Variants in RPS6KA2 observed in about 807,000 individuals in gnomAD.
RPS6KA2 encodes ribosomal protein S6 kinase A2, also known as ribosomal protein S6 kinase alpha-2.
Under a neutral mutation model 91.8 loss-of-function variants are expected in RPS6KA2, and 42 were observed. The ratio of observed to expected loss-of-function variants is 0.46; its 90% CI spans 0.36 to 0.59. RPS6KA2 has a LOEUF of 0.59. RPS6KA2 is among the 20% of genes least tolerant of loss of function. RPS6KA2 has a pLI of 0.00. For synonymous variants in RPS6KA2, 414 were observed against 393.6 expected (o/e 1.05, Z -0.61); for missense variants, 798 against 978.5 (o/e 0.82, Z 2.46).
intron 1 of RPS6KA2, among the ~76,000 whole-genome samples, chr6:166,539,096 T>C (rs895204057): frequency 2.6e-5 from 4 of 152,144 alleles, no homozygotes; most frequent in African/African-American, 9.7e-5. Context: ...ATTTTTGTAT[T>C]TTTAATAGAG....
At chr6:166,517,048 A>C (rs188979455) in intron 3 of RPS6KA2, among the ~76,000 whole-genome samples, 1 of 152,342 alleles carries the variant, frequency 6.6e-6, no homozygotes, top group Non-Finnish European at 1.5e-5. Flanking sequence ...CTGGTGAAAA[A>C]TTAGAGAAAG....
At chr6:166,559,122 G>A (rs1784263685) in intron 1 of RPS6KA2, among the ~76,000 whole-genome samples, 1 of 152,292 alleles carries the variant, frequency 6.6e-6, no homozygotes, top group South Asian at 2.1e-4. Context: ...CTTTGGACCT[G>A]GAATATGACA....
Position 166,448,617 on chromosome 6 carries a change from C to G in RPS6KA2, c.1332+107G>C. The G allele has an allele frequency of 7.2e-7, 1 of 1,382,220 alleles. No individual in the cohort carries two copies. Among genetic ancestry groups the G allele is most frequent in the South Asian group, 1.4e-5 (1 of 72,220 alleles). The allele number at this position is 1,382,220 out of a possible 1,614,324, so 85.6% of individuals were successfully genotyped here. A position where few individuals can be genotyped will look rare whatever the true frequency, so the allele number is the denominator to read the frequency against. On this transcript the variant is annotated intron_variant, in intron 14 of 20. Transcript: ENST00000265678. The surrounding 1 kb of genome is among the most constrained non-coding windows in gnomAD (Gnocchi z 4.7). ...TGTACATGCTCCCACACGCTGCACT[C>G]ACACAGGGCCCTGCTATGCTCCTAT...
intron 2 of RPS6KA2, among the ~76,000 whole-genome samples, chr6:166,746,478 G>A (rs1282954251): frequency 6.6e-6 from 1 of 152,204 alleles, no homozygotes; most frequent in East Asian, 1.9e-4. Flanking sequence ...AGTGCCTGGG[G>A]ATTTCTTCCC....
intron 10 of RPS6KA2, among the ~76,000 whole-genome samples, chr6:166,478,522 C>T (rs2128468631): frequency 6.6e-6 from 1 of 152,276 alleles, no homozygotes; most frequent in East Asian, 1.9e-4. Flanking sequence ...TGCAGGCTTT[C>T]CATTTACCCT....
chr6:166,783,409 GA>G (rs1778824418), intron 2 of RPS6KA2, among the ~76,000 whole-genome samples: 1 of 152,048 alleles, frequency 6.6e-6, no homozygotes, highest in Non-Finnish European at 1.5e-5. Flanking sequence ...ACTCCCACTA[GA>G]ATTCCCAGCC....
intron 3 of RPS6KA2, among the ~76,000 whole-genome samples, chr6:166,528,921 A>G (rs545412930): frequency 1.6e-3 from 243 of 152,364 alleles, no homozygotes; most frequent in African/African-American, 5.4e-3. Flanking sequence ...TCAGGAAACA[A>G]CAGGTGCTGG....
At chr6:166,667,161 G>A (rs1788339649) in intron 2 of RPS6KA2, among the ~76,000 whole-genome samples, 1 of 152,220 alleles carries the variant, frequency 6.6e-6, no homozygotes, top group Non-Finnish European at 1.5e-5. Context: ...GAGTTCTGGA[G>A]AAAGATGGTG....
At chr6:166,679,095 A>G (rs1788704896) in intron 2 of RPS6KA2, among the ~76,000 whole-genome samples, 1 of 152,202 alleles carries the variant, frequency 6.6e-6, no homozygotes, top group Non-Finnish European at 1.5e-5. Context: ...AGTTTGGAGA[A>G]AGAAACTGTG....
chr6:166,772,986 C>A (rs1466884697), intron 2 of RPS6KA2, among the ~76,000 whole-genome samples: 3 of 152,204 alleles, frequency 2.0e-5, no homozygotes, highest in African/African-American at 7.2e-5. Context: ...CTATCCCTCC[C>A]ACCTCCACCC....
At chr6:166,477,419 A>G (rs1335759650) in intron 10 of RPS6KA2, among the ~76,000 whole-genome samples, 1 of 152,216 alleles carries the variant, frequency 6.6e-6, no homozygotes, top group Non-Finnish European at 1.5e-5. Flanking sequence ...TAAACCAAAT[A>G]CTAAAACAAT....
At chr6:166,743,197 A>AC (rs5881715) in intron 2 of RPS6KA2, among the ~76,000 whole-genome samples, 69,959 of 152,048 alleles carry the variant, frequency 0.46, 20,180 homozygotes, top group African/African-American at 0.83. Context: ...GCAAACTGTC[A>AC]CCAAAACACG....
At chr6:166,564,497 C>T (rs909400465) in intron 1 of RPS6KA2, among the ~76,000 whole-genome samples, 6 of 152,182 alleles carry the variant, frequency 3.9e-5, no homozygotes, top group African/African-American at 1.4e-4. Flanking sequence ...CCGCCCCACG[C>T]CTCCCCTTTA....
chr6:166,448,878 G>T lies in RPS6KA2; in HGVS notation c.1207-29C>A. Reference sequence around the variant, plus strand: ...CAGAGGGACCAAGAGAAGAAGAGTTGTCGGAACCCTCACACGAGGGGACGG... The same window carrying T: ...CAGAGGGACCAAGAGAAGAAGAGTTTTCGGAACCCTCACACGAGGGGACGG... On this transcript the variant is annotated intron_variant, in intron 13 of 20. Coordinates refer to ENST00000265678, the MANE Select transcript of RPS6KA2 (RefSeq NM_021135.6). The surrounding 1 kb of genome is among the most constrained non-coding windows in gnomAD (Gnocchi z 4.7). 1 of 1,612,352 alleles carries T rather than the reference G, an allele frequency of 6.2e-7. No individual in the cohort carries two copies. Among genetic ancestry groups the T allele is most frequent in the Non-Finnish European group, 8.5e-7 (1 of 1,178,754 alleles).
At chr6:166,680,705 AG>A (rs1397127422) in intron 2 of RPS6KA2, among the ~76,000 whole-genome samples, 1 of 152,206 alleles carries the variant, frequency 6.6e-6, no homozygotes. Context: ...ACCCACCAGA[AG>A]GAAAAAATTC....
At chr6:166,668,040 T>C (rs1224498991) in intron 2 of RPS6KA2, among the ~76,000 whole-genome samples, 4 of 151,962 alleles carry the variant, frequency 2.6e-5, no homozygotes, top group Non-Finnish European at 1.5e-5. Context: ...CAGAACACAG[T>C]CTCCTGGATT....
intron 3 of RPS6KA2, among the ~76,000 whole-genome samples, chr6:166,513,800 G>A (rs1326830923): frequency 3.3e-5 from 5 of 152,224 alleles, no homozygotes; most frequent in Non-Finnish European, 5.9e-5. Flanking sequence ...CCAGGATAGC[G>A]CAGAACACTT....
Position 166,770,615 on chromosome 6 carries a change from G to A in RPS6KA2, c.123+87585C>T, listed in dbSNP as rs944687406. Among the ~76,000 whole-genome samples the A allele has an allele frequency of 1.3e-5, 2 of 152,278 alleles. No homozygotes were observed. Among genetic ancestry groups the A allele is most frequent in the East Asian group, 1.9e-4 (1 of 5,192 alleles). ...CAAGATGACATCCTCAGTTTAGCAC[G>A]CAAGGCAGCCCCTGCTGTACAAGGA... On this transcript the variant is annotated intron_variant, in intron 2 of 21. Transcript: ENST00000503859. The surrounding 1 kb of genome is among the most constrained non-coding windows in gnomAD (Gnocchi z 5.1).
At chr6:166,532,537 C>T (rs772226240) in intron 2 of RPS6KA2, among the ~76,000 whole-genome samples, 12 of 152,184 alleles carry the variant, frequency 7.9e-5, no homozygotes, top group Non-Finnish European at 1.5e-4. Context: ...GAAGTGATTC[C>T]GGACCCCACT....
Sources: allele counts gnomAD v4.1 joint callset (sites outside exome capture counted in the v4.1 genomes callset), GRCh38; gene constraint gnomAD v4.1.1; non-coding constraint Gnocchi (gnomAD v3.1); transcripts MANE v1.5; gene names NCBI Gene and HGNC (gene_info 2026-07-23, HGNC 2026-07-21).